Variants in ANKRD31 observed in about 807,000 individuals in gnomAD.
ANKRD31 encodes the protein ankyrin repeat domain 31, also known as ankyrin repeat domain-containing protein 31.
Under a neutral mutation model 186.0 loss-of-function variants are expected in ANKRD31, and 147 were observed. The ratio of observed to expected loss-of-function variants is 0.79; its 90% CI spans 0.69 to 0.91. ANKRD31 has a LOEUF of 0.91. Among genes scored for constraint, ANKRD31 ranks in the 40% least tolerant of loss-of-function variants. ANKRD31 has a pLI of 0.00. For missense variants in ANKRD31, 1,986 were observed against 2,148.8 expected (o/e 0.92, Z 1.50); for synonymous variants, 673 against 736.4 (o/e 0.91, Z 1.39).
Position 75,144,172 on chromosome 5 carries a change from C to A in ANKRD31, c.3425-1G>T. The A allele has an allele frequency of 1.0e-5, 4 of 396,934 alleles. No homozygotes were observed. Among genetic ancestry groups the A allele is most frequent in the Non-Finnish European group, 1.8e-5 (4 of 224,940 alleles). The allele number at this position is 396,934 out of a possible 1,614,324, so 24.6% of individuals were successfully genotyped here. A position where few individuals can be genotyped will look rare whatever the true frequency, so the allele number is the denominator to read the frequency against. On this transcript the variant is annotated splice_acceptor_variant, in intron 14 of 25. Transcript: ENST00000506364. LOFTEE classifies it high-confidence loss of function. ...CTGATGTTATTAGTTAATTCCTCATCTGAAACAAACATTTTACAATATCAG... is the reference window on the plus strand; with the variant it reads ...CTGATGTTATTAGTTAATTCCTCATATGAAACAAACATTTTACAATATCAG...
At chr5:75,102,972 A>G (rs1373339980) in intron 22 of ANKRD31, among the ~76,000 whole-genome samples, 1 of 152,174 alleles carries the variant, frequency 6.6e-6, no homozygotes, top group Non-Finnish European at 1.5e-5. Context: ...CCTGTACCTC[A>G]GTTGGAAATG....
At chr5:75,069,937 G>A (rs1373303833) in intron 25 of ANKRD31, among the ~76,000 whole-genome samples, 1 of 152,200 alleles carries the variant, frequency 6.6e-6, no homozygotes, top group Non-Finnish European at 1.5e-5. Flanking sequence ...GCGCCAAAAT[G>A]AGGAAATGGA....
At chr5:75,175,530 G>A (rs982180359) in intron 10 of ANKRD31, among the ~76,000 whole-genome samples, 1 of 152,142 alleles carries the variant, frequency 6.6e-6, no homozygotes, top group African/African-American at 2.4e-5. Flanking sequence ...CATCTTGAGA[G>A]TGAGGAATGA....
At chr5:75,212,787 T>G (rs1561541526) in intron 3 of ANKRD31, among the ~76,000 whole-genome samples, 1 of 152,238 alleles carries the variant, frequency 6.6e-6, no homozygotes, top group African/African-American at 2.4e-5. Flanking sequence ...CTTTAATATG[T>G]TGTCAGCATC....
intron 12 of ANKRD31, 113 bp from the exon 13 acceptor site, chr5:75,148,741 T>C (rs915904945): frequency 4.7e-6 from 3 of 642,064 alleles, no homozygotes; most frequent in East Asian, 3.0e-5. Context: ...AGTGAAATTA[T>C]GCAAACATTT....
intron 3 of ANKRD31, among the ~76,000 whole-genome samples, chr5:75,220,073 G>C (rs1040472352): frequency 1.3e-5 from 2 of 152,106 alleles, no homozygotes; most frequent in African/African-American, 2.4e-5. Context: ...TTTGGACATG[G>C]AAACTGGCAA....
rs185721958 is a variant in ANKRD31, at chr5:75,157,603, G to A, written c.1708-3258C>T. 2.0e-3 allele frequency among the ~76,000 whole-genome samples: 311 copies of A among 152,298 alleles called. 1 individual carries two copies. The highest frequency in any genetic ancestry group is 2.6e-3 in the Non-Finnish European group (175 of 68,028). On this transcript the variant is annotated intron_variant, in intron 11 of 25. Transcript: ENST00000506364. ...CCTTTGTTAATGCTGAAGAGAGTAG[G>A]AATGTGACTCATGGACCCATTCAAC...
At chr5:75,138,390 T>G (rs1056592871) in intron 16 of ANKRD31, among the ~76,000 whole-genome samples, 1 of 152,208 alleles carries the variant, frequency 6.6e-6, no homozygotes, top group Non-Finnish European at 1.5e-5. Flanking sequence ...AGTTTTTCCC[T>G]GTGGAATTCT....
intron 12 of ANKRD31, among the ~76,000 whole-genome samples, chr5:75,153,352 T>TG (rs776149247): frequency 1.3e-5 from 2 of 152,086 alleles, no homozygotes; most frequent in Non-Finnish European, 2.9e-5. Flanking sequence ...CTGCTAAGTA[T>TG]TAGGATTCGT....
At chr5:75,107,141 C>T (rs1747389327) in intron 21 of ANKRD31, among the ~76,000 whole-genome samples, 1 of 151,900 alleles carries the variant, frequency 6.6e-6, no homozygotes, top group Admixed American at 6.6e-5. Flanking sequence ...AATTAATCAA[C>T]TGATTGATCA....
chr5:75,108,701 A>T (rs1027960462), intron 20 of ANKRD31, among the ~76,000 whole-genome samples: 2 of 152,120 alleles, frequency 1.3e-5, no homozygotes, highest in African/African-American at 4.8e-5. Context: ...CAGTGTCCTC[A>T]GAGCAGTTTC....
intron 10 of ANKRD31, among the ~76,000 whole-genome samples, chr5:75,184,257 G>A (rs1754543470): frequency 1.3e-5 from 2 of 151,988 alleles, no homozygotes; most frequent in African/African-American, 4.8e-5. Flanking sequence ...ACTCAAAGTG[G>A]ACTAAAAACT....
chr5:75,091,431 G>A, intron 22 of ANKRD31, 30 bp from the exon 23 acceptor site: 1 of 1,516,620 alleles, frequency 6.6e-7, no homozygotes, highest in Non-Finnish European at 8.8e-7. Flanking sequence ...AGAAATTAAG[G>A]TCAAAAATAG....
chr5:75,210,879 A>C lies in ANKRD31; in HGVS notation c.289-14T>G. On this transcript the variant is annotated splice_polypyrimidine_tract_variant and intron_variant, in intron 3 of 25. Coordinates refer to ENST00000506364, the MANE Select transcript of ANKRD31 (RefSeq NM_001372053.1). ...TTCATCTTGAGACTGCTAGGAAAAA[A>C]AAAAGTTTTTTCCAACTGATAAGTG... is the stretch of plus-strand genomic sequence containing the variant. The C allele has an allele frequency of 6.6e-7, 1 of 1,506,252 alleles. No homozygotes were observed. Among genetic ancestry groups the C allele is most frequent in the Non-Finnish European group, 8.8e-7 (1 of 1,136,800 alleles). The allele number at this position is 1,506,252 out of a possible 1,614,324, so 93.3% of individuals were successfully genotyped here.
intron 3 of ANKRD31, among the ~76,000 whole-genome samples, chr5:75,220,684 T>C (rs1467046504): frequency 1.3e-5 from 2 of 151,482 alleles, no homozygotes; most frequent in African/African-American, 4.9e-5. Context: ...ACAGACACTT[T>C]ACACAAGAAG....
At chr5:75,133,130 C>T (rs937185141) in intron 17 of ANKRD31, among the ~76,000 whole-genome samples, 2 of 152,088 alleles carry the variant, frequency 1.3e-5, no homozygotes, top group Admixed American at 1.3e-4. Context: ...CCAGCTAACA[C>T]CATAATGACA....
At chr5:75,138,054 T>A in intron 16 of ANKRD31, 56 bp from the exon 17 acceptor site, 1 of 1,361,664 alleles carries the variant, frequency 7.3e-7, no homozygotes, top group South Asian at 2.0e-5. Flanking sequence ...AATACTCATG[T>A]AATATCTGTA....
intron 11 of ANKRD31, 142 bp downstream of exon 11, chr5:75,168,837 A>G (rs897741387): frequency 1.2e-6 from 1 of 851,266 alleles, no homozygotes; most frequent in Non-Finnish European, 1.7e-6. Flanking sequence ...CACACAGTAA[A>G]ATTTCATTAT....
chr5:75,171,844 T>A (rs563085330), intron 10 of ANKRD31, among the ~76,000 whole-genome samples: 65 of 149,108 alleles, frequency 4.4e-4, no homozygotes, highest in African/African-American at 1.4e-3. Flanking sequence ...GTCAAACATT[T>A]AAGAAAGAAA....
Sources: allele counts gnomAD v4.1 joint callset (sites outside exome capture counted in the v4.1 genomes callset), GRCh38; gene constraint gnomAD v4.1.1; transcripts MANE v1.5; gene names NCBI Gene and HGNC (gene_info 2026-07-23, HGNC 2026-07-21).